RXFP2: variants seen among roughly 807,000 people sequenced by gnomAD.
RXFP2 encodes the protein relaxin receptor 2.
In RXFP2, 68 loss-of-function variants were observed where a neutral mutation model predicts 88.6. That is an observed-to-expected ratio of 0.77 (90% confidence interval 0.63 to 0.94). The LOEUF (loss-of-function observed/expected upper bound fraction) is 0.94, where lower values mean the gene tolerates loss of function less well. Among genes scored for constraint, RXFP2 ranks in the 40% least tolerant of loss-of-function variants. The pLI, the probability that RXFP2 is intolerant of heterozygous loss-of-function variation, is 0.00. For synonymous variants in RXFP2, 329 were observed against 306.8 expected (o/e 1.07, Z -0.76); for missense variants, 791 against 893.9 (o/e 0.88, Z 1.47).
rs1013395458 is a variant in RXFP2 at position 31,792,779 on chromosome 13, G to A, written c.1477G>A (p.Val493Met). Residue 493 changes from valine (V) to methionine (M), a missense_variant, in exon 16 of 18, where the codon GTG (valine) becomes ATG (methionine). Physicochemically the swap from Val to Met is conservative, Grantham distance 21. Coordinates refer to ENST00000298386, the MANE Select transcript of RXFP2 (RefSeq NM_130806.5). ...GTATGCCTTGCTGTGGATGGAGAGC[G>A]TGCAGTGCCGCCTCATGGGGTTCCT... ...QKYALLWMESVQCRLMGFLAM... is the reference protein window; with the variant it reads ...QKYALLWMESMQCRLMGFLAM... 16 of 1,614,104 alleles carry A rather than the reference G, an allele frequency of 9.9e-6. No homozygotes were observed. The highest frequency in any genetic ancestry group is 1.3e-5 in the African/African-American group (1 of 75,036).
Position 31,754,362 on chromosome 13 carries a change from C to T in RXFP2, c.95-3896C>T, listed in dbSNP as rs563248168. On this transcript the variant is annotated intron_variant, in intron 1 of 17. Coordinates refer to ENST00000298386, the MANE Select transcript of RXFP2 (RefSeq NM_130806.5). ...CCTGACCATTATGGTGAAACCCCAT[C>T]TCTACTAAATATACAAAAAATAGCC... Among the ~76,000 whole-genome samples, 3 of 152,254 alleles carry T rather than the reference C, an allele frequency of 2.0e-5. No homozygotes were observed. In the South Asian group the frequency reaches 6.2e-4, roughly 32 times the overall value.
At chr13:31,797,103 T>C (rs1874086173) in intron 16 of RXFP2, 98 bp from the exon 17 acceptor site, 1 of 858,740 alleles carries the variant, frequency 1.2e-6, no homozygotes. Flanking sequence ...ACATTTCTGG[T>C]TTCAAACATT....
intron 7 of RXFP2, among the ~76,000 whole-genome samples, chr13:31,775,862 A>C (rs1178035289): frequency 6.6e-6 from 1 of 152,198 alleles, no homozygotes. Flanking sequence ...ACCTCACGTC[A>C]GATGTCTGTG....
At chr13:31,746,050 C>T (rs1001766919) in intron 1 of RXFP2, among the ~76,000 whole-genome samples, 10 of 152,306 alleles carry the variant, frequency 6.6e-5, no homozygotes, top group Non-Finnish European at 1.2e-4. Context: ...ATAACTTCTC[C>T]GCTTCATCCA....
chr13:31,741,750 A>G (rs1432886538), intron 1 of RXFP2, among the ~76,000 whole-genome samples: 1 of 152,198 alleles, frequency 6.6e-6, no homozygotes, highest in African/African-American at 2.4e-5. Context: ...TTTATCATTA[A>G]TTTATTCACT....
At chr13:31,746,762 A>AT (rs772047922) in intron 1 of RXFP2, among the ~76,000 whole-genome samples, 32 of 152,072 alleles carry the variant, frequency 2.1e-4, no homozygotes, top group South Asian at 2.1e-3. Context: ...CCACAGGCTA[A>AT]AAAATAATAT....
Position 31,791,966 on chromosome 13 carries a change from G to A in RXFP2, c.1306G>A (p.Val436Ile), listed in dbSNP as rs1873814143. The A allele has an allele frequency of 6.2e-7, 1 of 1,613,910 alleles. No homozygotes were observed. The highest frequency in any genetic ancestry group is 1.1e-5 in the South Asian group (1 of 91,090). Residue 436 changes from valine to isoleucine, a missense_variant, in exon 15 of 18, where the codon GTC (valine) becomes ATC (isoleucine). Coordinates refer to ENST00000298386, the MANE Select transcript of RXFP2 (RefSeq NM_130806.5). Reference sequence around the variant, plus strand: ...CATTACCTGCTTTGGAAATCTTTTTGTCATTGGCATGAGATCTTTCATTAA... The same window carrying A: ...CATTACCTGCTTTGGAAATCTTTTTATCATTGGCATGAGATCTTTCATTAA... Reference protein sequence around the residue: ...AFITCFGNLFVIGMRSFIKAE... With the variant: ...AFITCFGNLFIIGMRSFIKAE...
intron 2 of RXFP2, among the ~76,000 whole-genome samples, chr13:31,759,124 C>T (rs538636342): frequency 2.0e-5 from 3 of 151,658 alleles, no homozygotes; most frequent in African/African-American, 7.3e-5. Flanking sequence ...TACTGAGTGC[C>T]TGCTATGTGC....
At chr13:31,743,992 C>G (rs1871311424) in intron 1 of RXFP2, among the ~76,000 whole-genome samples, 1 of 152,174 alleles carries the variant, frequency 6.6e-6, no homozygotes, top group Admixed American at 6.5e-5. Context: ...ATTCCTGTCT[C>G]TAATCACCTC....
chr13:31,761,943 GT>G, intron 3 of RXFP2, 142 bp downstream of exon 3: 1 of 621,464 alleles, frequency 1.6e-6, no homozygotes, highest in Non-Finnish European at 3.0e-6. Context: ...CAGGTCTGCT[GT>G]CTGCCTGTGA....
chr13:31,796,038 CTTTTTTTTTTTTTT>C (rs776535132), intron 16 of RXFP2, among the ~76,000 whole-genome samples: 12 of 36,980 alleles, frequency 3.2e-4, no homozygotes, highest in Admixed American at 6.7e-4. Context: ...ATGTGTTATT[CTTTTTTTTTTTTTT>C]TTTTTTTTTT....
intron 3 of RXFP2, among the ~76,000 whole-genome samples, chr13:31,762,584 A>G (rs753603402): frequency 2.6e-5 from 4 of 152,200 alleles, no homozygotes; most frequent in Non-Finnish European, 4.4e-5. Context: ...ATGTAGAGAC[A>G]TAGATATATA....
chr13:31,777,692 T>A (rs553257653), intron 8 of RXFP2, among the ~76,000 whole-genome samples: 154 of 152,334 alleles, frequency 1.0e-3, no homozygotes, highest in Middle Eastern at 3.4e-3. Context: ...TCCCTTTTAA[T>A]TTCCTTTAGT....
chr13:31,753,257 T>G (rs771043388), intron 1 of RXFP2, among the ~76,000 whole-genome samples: 4 of 152,196 alleles, frequency 2.6e-5, no homozygotes, highest in Non-Finnish European at 4.4e-5. Context: ...CACCTGTTGT[T>G]TCCCAATAAT....
chr13:31,782,597 G>C (rs1328615634), intron 10 of RXFP2, 79 bp from the exon 11 acceptor site: 4 of 1,034,264 alleles, frequency 3.9e-6, no homozygotes. Context: ...ATTCTGCCTG[G>C]ATCAGTGGCC....
chr13:31,791,987 A>T lies in RXFP2; in HGVS notation c.1327A>T (p.Ile443Phe), dbSNP rs1873815390. 1 of 1,614,030 alleles carries T rather than the reference A, an allele frequency of 6.2e-7. No individual in the cohort carries two copies. The highest frequency in any genetic ancestry group is 1.1e-5 in the South Asian group (1 of 91,094). The change falls in exon 15 of 18, where the codon ATT becomes TTT. Residue 443 changes from isoleucine to phenylalanine, a missense_variant. Ile to Phe is a conservative substitution (Grantham distance 21, BLOSUM62 0). Transcript: ENST00000298386. ...TTTTGTCATTGGCATGAGATCTTTC[A>T]TTAAAGCTGAAAATACAACTCACGC... is the stretch of plus-strand genomic sequence containing the variant. ...NLFVIGMRSF[I>F]KAENTTHAMS...
intron 1 of RXFP2, among the ~76,000 whole-genome samples, chr13:31,753,474 G>A (rs1871766992): frequency 6.6e-6 from 1 of 152,132 alleles, no homozygotes; most frequent in African/African-American, 2.4e-5. Context: ...GAGGTCCCAT[G>A]GAAACCACTG....
chr13:31,791,033 A>C (rs946650014), intron 14 of RXFP2, among the ~76,000 whole-genome samples: 2 of 152,242 alleles, frequency 1.3e-5, no homozygotes, highest in African/African-American at 4.8e-5. Flanking sequence ...TTAAACTGAC[A>C]GCAAAGAGCA....
intron 9 of RXFP2, 91 bp downstream of exon 9, chr13:31,778,674 T>C: frequency 1.1e-6 from 1 of 940,316 alleles, no homozygotes; most frequent in Non-Finnish European, 1.8e-6. Flanking sequence ...AAAGTCCATC[T>C]ATAATTTCTT....
Sources: gnomAD v4.1 joint callset for allele counts (sites outside exome capture counted in the v4.1 genomes callset) on GRCh38, gnomAD v4.1.1 for gene constraint, MANE v1.5 for transcripts, NCBI Gene and HGNC (gene_info 2026-07-23, HGNC 2026-07-21) for gene names.